Variants in TBC1D30 observed in about 807,000 individuals in gnomAD.
TBC1D30 encodes the protein TBC1 domain family member 30.
A neutral mutation model predicts 63.2 loss-of-function variants in TBC1D30; 31 were observed. The ratio of observed to expected loss-of-function variants is 0.49; its 90% CI spans 0.37 to 0.66. The LOEUF is 0.66. Among genes scored for constraint, TBC1D30 ranks in the 30% least tolerant of loss-of-function variants. The pLI, the probability that TBC1D30 is intolerant of heterozygous loss-of-function variation, is 0.00. For synonymous variants in TBC1D30, 307 were observed against 361.5 expected, an observed-to-expected ratio of 0.85 and a Z score of 1.71; for missense variants, 810 against 953.6, an observed-to-expected ratio of 0.85 and a Z score of 1.98.
At chr12:64,784,058 A>G (rs1332297088) in intron 1 of TBC1D30, among the ~76,000 whole-genome samples, 4 of 151,524 alleles carry the variant, frequency 2.6e-5, no homozygotes, top group African/African-American at 9.7e-5. Flanking sequence ...CTCATATTTA[A>G]TCATATTTTC....
At chr12:64,771,387 A>G (rs1237465485) in intron 1 of TBC1D30, among the ~76,000 whole-genome samples, 1 of 152,116 alleles carries the variant, frequency 6.6e-6, no homozygotes, top group East Asian at 1.9e-4. Flanking sequence ...CCAAATGACC[A>G]TGCTTTCTGA....
intron 1 of TBC1D30, among the ~76,000 whole-genome samples, chr12:64,827,323 C>G (rs890991103): frequency 6.6e-6 from 1 of 152,114 alleles, no homozygotes; most frequent in Non-Finnish European, 1.5e-5. Context: ...GTAGCACGTG[C>G]CTATAATCCC....
intron 5 of TBC1D30, among the ~76,000 whole-genome samples, chr12:64,832,638 C>T (rs1169373179): frequency 6.6e-6 from 1 of 152,216 alleles, no homozygotes; most frequent in Non-Finnish European, 1.5e-5. Context: ...TTCTTTGCGT[C>T]AGAAATCTAG....
chr12:64,836,158 G>A (rs1042270929), intron 5 of TBC1D30, among the ~76,000 whole-genome samples: 1 of 152,182 alleles, frequency 6.6e-6, no homozygotes. Context: ...GCTGGCTGCT[G>A]CACAAGCTTG....
chr12:64,831,283 A>G (rs1229651500), intron 4 of TBC1D30, among the ~76,000 whole-genome samples: 2 of 152,234 alleles, frequency 1.3e-5, no homozygotes, highest in Non-Finnish European at 2.9e-5. Flanking sequence ...GACAAATGCT[A>G]AAAAAGTTAT....
At chr12:64,831,823 T>G (rs751997395) in intron 4 of TBC1D30, among the ~76,000 whole-genome samples, 2 of 152,198 alleles carry the variant, frequency 1.3e-5, no homozygotes, top group Non-Finnish European at 2.9e-5. Flanking sequence ...CATGAAATTA[T>G]ACTGTAATTA....
rs557192440 is a variant in TBC1D30, at chr12:64,762,979, T to C, written c.-376+3330T>C. Reference sequence around the variant, plus strand: ...TCGTGACATTCTGCATTTTATTTTGTATTATTTTATTTTTTGAGATGGAGT... The same window carrying C: ...TCGTGACATTCTGCATTTTATTTTGCATTATTTTATTTTTTGAGATGGAGT... On this transcript the variant is annotated intron_variant, in intron 1 of 13. Coordinates refer to the TBC1D30 transcript ENST00000674237. Among the ~76,000 whole-genome samples the C allele has an allele frequency of 4.6e-4, 70 of 152,280 alleles. 1 individual carries two copies. Among genetic ancestry groups the C allele is most frequent in the African/African-American group, 1.6e-3 (67 of 41,558 alleles).
chr12:64,794,362 T>C (rs1170328246), intron 2 of TBC1D30, among the ~76,000 whole-genome samples: 1 of 152,196 alleles, frequency 6.6e-6, no homozygotes, highest in East Asian at 1.9e-4. Flanking sequence ...TTTTTCTCCC[T>C]CCTTTTTCTT....
At chr12:64,796,143 GTT>G (rs754180803) in intron 2 of TBC1D30, among the ~76,000 whole-genome samples, 8 of 130,120 alleles carry the variant, frequency 6.1e-5, no homozygotes, top group African/African-American at 1.4e-4. Flanking sequence ...AAAGTTAAGA[GTT>G]TTTTTTTTTT....
At chr12:64,855,645 T>C (rs1877238078) in intron 8 of TBC1D30, among the ~76,000 whole-genome samples, 1 of 152,226 alleles carries the variant, frequency 6.6e-6, no homozygotes. Context: ...CGATTGCATT[T>C]TTCAAGTCCA....
Position 64,771,370 on chromosome 12 carries a change from C to T in TBC1D30, c.-376+11721C>T, listed in dbSNP as rs143250639. On this transcript the variant is annotated intron_variant, in intron 1 of 13. Transcript: ENST00000674237. ...CAGATCGAGATGGAACTCTTATCCA[C>T]GAGGCACCAAATGACCATGCTTTCT... is the stretch of plus-strand genomic sequence containing the variant. Among the ~76,000 whole-genome samples, 409 of 152,214 alleles carry T rather than the reference C, an allele frequency of 2.7e-3. 3 individuals carry two copies. The highest frequency in any genetic ancestry group is 4.8e-3 in the South Asian group (23 of 4,828).
At chr12:64,800,006 T>G (rs1872512418) in intron 2 of TBC1D30, among the ~76,000 whole-genome samples, 1 of 152,164 alleles carries the variant, frequency 6.6e-6, no homozygotes, top group African/African-American at 2.4e-5. Flanking sequence ...CTTGGGAGGC[T>G]GAGGCAGGAG....
At chr12:64,861,282 T>C (rs1877765055) in intron 8 of TBC1D30, among the ~76,000 whole-genome samples, 1 of 152,204 alleles carries the variant, frequency 6.6e-6, no homozygotes, top group South Asian at 2.1e-4. Flanking sequence ...TCTATTTAAG[T>C]GTATGTTGGT....
chr12:64,822,482 A>G (rs1873943634), upstream of TBC1D30, among the ~76,000 whole-genome samples: 1 of 151,756 alleles, frequency 6.6e-6, no homozygotes, highest in Non-Finnish European at 1.5e-5. Context: ...CACCTGACCC[A>G]GCAATTAATT....
In TBC1D30 at chr12:64,839,020, A is replaced by G. The variant is rs531181715; in HGVS notation, c.932+169A>G. On this transcript the variant is annotated intron_variant, in intron 7 of 11. Coordinates refer to ENST00000539867, the MANE Select transcript of TBC1D30 (RefSeq NM_015279.2). ...GGCTCATTGCTGGCACATACAGTCT[A>G]TTTTGGAGAAGGGGGCAGATGCCTT... is the stretch of plus-strand genomic sequence containing the variant. Among the ~76,000 whole-genome samples the G allele has an allele frequency of 2.6e-5, 4 of 152,318 alleles. No homozygotes were observed. In the East Asian group the frequency reaches 7.7e-4, roughly 29 times the overall value.
At chr12:64,802,333 CTCGAGCTCTGGG>C (rs1013840729) in intron 2 of TBC1D30, among the ~76,000 whole-genome samples, 2 of 152,008 alleles carry the variant, frequency 1.3e-5, no homozygotes, top group African/African-American at 4.8e-5. Flanking sequence ...TATCTGGGCC[CTCGAGCTCTGGG>C]TGGAGACGAA....
chr12:64,866,816 G>C lies in TBC1D30; in HGVS notation c.1204G>C (p.Asp402His). The C allele has an allele frequency of 6.5e-7, 1 of 1,536,562 alleles. No individual in the cohort carries two copies. The highest frequency in any genetic ancestry group is 1.2e-5 in the South Asian group (1 of 84,054). The change falls in exon 10 of 12, where the codon GAT (aspartate) becomes CAT (histidine). Residue 402 changes from aspartate (D) to histidine (H), a missense_variant. This residue lies in a region of TBC1D30 where 450 missense variants were observed against 473.0 expected (regional missense o/e 0.95). Coordinates refer to ENST00000539867, the MANE Select transcript of TBC1D30 (RefSeq NM_015279.2). ...SDEENDPDDE[D>H]AVVNAVGCLG... ...TGAAGAGAATGACCCAGACGATGAG[G>C]ATGCTGTCGTTAATGCAGTGGGGTG...
At chr12:64,843,337 G>GT (rs1876066243) in intron 7 of TBC1D30, 43 bp from the exon 8 acceptor site, 1 of 1,491,348 alleles carries the variant, frequency 6.7e-7, no homozygotes, top group Admixed American at 2.0e-5. Flanking sequence ...ACACAGCATG[G>GT]ATGCCCTAAA....
intron 2 of TBC1D30, chr12:64,787,328 A>G: frequency 1.0e-6 from 1 of 978,446 alleles, no homozygotes; most frequent in African/African-American, 1.7e-5. Context: ...ACATTTAACT[A>G]TTTTTGTTTT....
Sources: gnomAD v4.1 joint callset for allele counts (sites outside exome capture counted in the v4.1 genomes callset) on GRCh38, gnomAD v4.1.1 for gene constraint, gnomAD v4.1.1 regional missense constraint, MANE v1.5 for transcripts, NCBI Gene and HGNC (gene_info 2026-07-23, HGNC 2026-07-21) for gene names.